The following ZPBP2 variants were observed in gnomAD, a reference collection of about 807,000 sequenced individuals.
ZPBP2 encodes zona pellucida-binding protein 2.
ZPBP2 carries 34 observed loss-of-function variants against 37.5 expected under a neutral mutation model. The observed-to-expected ratio is 0.91, with a 90% CI of 0.69 to 1.21. The LOEUF (loss-of-function observed/expected upper bound fraction) is 1.21. ZPBP2 is among the 50% of genes most tolerant of loss of function. The pLI is 0.00. For synonymous variants in ZPBP2, 143 were observed against 138.4 expected (o/e 1.03, Z -0.23); for missense variants, 397 against 413.5 (o/e 0.96, Z 0.35).
In ZPBP2 at chr17:39,871,572, C is replaced by A; in HGVS notation, c.353C>A (p.Ala118Glu). Residue 118 changes from alanine to glutamate, a missense_variant, in exon 4 of 8, where the codon GCA becomes GAA. Ala to Glu is a moderately radical substitution (Grantham distance 107). Transcript: ENST00000348931. ...TCTLSYKTVK[A>E]ETQEEKTVKK... is the part of the protein sequence containing the mutation. ...ACTCTTTCTTATAAGACTGTTAAAG[C>A]AGAAACTCAAGAAGAAAAAACAGTC... 1 of 1,598,976 alleles carries A rather than the reference C, an allele frequency of 6.3e-7. No homozygotes were observed. The highest frequency in any genetic ancestry group is 1.1e-5 in the South Asian group (1 of 87,236).
intron 3 of ZPBP2, 53 bp from the exon 4 acceptor site, chr17:39,871,411 A>T: frequency 3.0e-6 from 4 of 1,324,444 alleles, no homozygotes; most frequent in Non-Finnish European, 3.1e-6. Flanking sequence ...CAAGTGTACT[A>T]AATAATGCTT....
rs2063391805 is a variant in ZPBP2, at chr17:39,876,627, G to C, written c.890-55G>C. Reference sequence around the variant, plus strand: ...TGTTGGTATAGAATACCTCCAAGTAGTAGAGGCATAAAATATCTCTAAATT... The same window carrying C: ...TGTTGGTATAGAATACCTCCAAGTACTAGAGGCATAAAATATCTCTAAATT... On this transcript the variant is annotated intron_variant, in intron 7 of 7. Transcript: ENST00000348931. The C allele has an allele frequency of 3.1e-6, 5 of 1,592,038 alleles. No homozygotes were observed. The South Asian group carries it at 5.6e-5, about 18-fold the overall frequency.
chr17:39,875,779 T>C (rs2063387008), intron 7 of ZPBP2, among the ~76,000 whole-genome samples: 1 of 151,570 alleles, frequency 6.6e-6, no homozygotes, highest in African/African-American at 2.4e-5. Context: ...AGTTTCACCA[T>C]GTTGGCCAGG....
At chr17:39,871,863 C>T (rs1046327779) in intron 4 of ZPBP2, among the ~76,000 whole-genome samples, 4 of 152,140 alleles carry the variant, frequency 2.6e-5, no homozygotes, top group Non-Finnish European at 5.9e-5. Context: ...AGCGCATCTA[C>T]TTTATCACAA....
intron 7 of ZPBP2, among the ~76,000 whole-genome samples, chr17:39,876,366 A>G (rs2063390612): frequency 6.6e-6 from 1 of 152,206 alleles, no homozygotes; most frequent in Non-Finnish European, 1.5e-5. Flanking sequence ...AAAGCAGAGA[A>G]CTAGGAAATA....
At chr17:39,876,540 C>A in intron 7 of ZPBP2, 142 bp from the exon 8 acceptor site, 3 of 839,876 alleles carry the variant, frequency 3.6e-6, no homozygotes, top group Non-Finnish European at 5.4e-6. Context: ...CTTAAATGGG[C>A]TGAACATTAC....
chr17:39,873,079 A>G lies in ZPBP2; in HGVS notation c.661A>G (p.Asn221Asp), dbSNP rs765987688. Residue 221 changes from asparagine to aspartate, a missense_variant, in exon 6 of 8, where the codon AAT becomes GAT. By Grantham distance (23) the Asn-to-Asp change is conservative. Coordinates refer to ENST00000348931, the MANE Select transcript of ZPBP2 (RefSeq NM_199321.3). ...TGCGCCGGGGTGGAAAGGTGCTTGC[A>G]ATGGATCTGTTGACTGTGAAGATAC... ...PFAPGWKGACNGSVDCEDTTN... is the reference protein window; with the variant it reads ...PFAPGWKGACDGSVDCEDTTN... 5 of 1,612,352 alleles carry G rather than the reference A, an allele frequency of 3.1e-6. No individual in the cohort carries two copies. The African/African-American group carries it at 5.3e-5, about 17-fold the overall frequency.
intron 2 of ZPBP2, among the ~76,000 whole-genome samples, chr17:39,870,145 G>A (rs144441334): frequency 0.027 from 4,078 of 152,238 alleles, 194 homozygotes; most frequent in African/African-American, 0.094. Context: ...CCGGGTTCAA[G>A]CAAGTCTCCT....
rs1404416848 is a variant in ZPBP2 at position 39,876,849 on chromosome 17, A to G, written c.*40A>G. 3.1e-6 allele frequency: 5 copies of G among 1,609,768 alleles called. No homozygotes were observed. The South Asian group carries it at 3.3e-5, about 11-fold the overall frequency. On this transcript the variant is annotated 3_prime_UTR_variant, in exon 8 of 8. Coordinates refer to ENST00000348931, the MANE Select transcript of ZPBP2 (RefSeq NM_199321.3). ...TTACTTACTTGTGGAAGTCGGGGAC[A>G]TAAGATGATTTTCACATCCCAGAGC...
Position 39,871,546 on chromosome 17 carries a change from T to C in ZPBP2, c.327T>C (p.Cys109=). The C allele has an allele frequency of 1.2e-6, 2 of 1,609,632 alleles. No homozygotes were observed. The highest frequency in any genetic ancestry group is 1.7e-6 in the Non-Finnish European group (2 of 1,177,960). Residue 109 remains cysteine (C), a synonymous_variant, in exon 4 of 8, where the codon TGT becomes TGC. Transcript: ENST00000348931. Reference sequence around the variant, plus strand: ...AGCCTTTGTCTGGACTTTACACATGTACTCTTTCTTATAAGACTGTTAAAG... The same window carrying C: ...AGCCTTTGTCTGGACTTTACACATGCACTCTTTCTTATAAGACTGTTAAAG... ...FLEPLSGLYT[C]TLSYKTVKAE... is the part of the protein sequence containing the mutation.
rs369273539 is a variant in ZPBP2, at chr17:39,870,689, C to G, written c.119-5C>G. 4 of 1,386,806 alleles carry G rather than the reference C, an allele frequency of 2.9e-6. No homozygotes were observed. The highest frequency in any genetic ancestry group is 3.9e-6 in the Non-Finnish European group (4 of 1,033,540). 85.9% of individuals were successfully genotyped at this position (1,386,806 alleles called of 1,614,324 possible). On this transcript the variant is annotated splice_region_variant and splice_polypyrimidine_tract_variant and intron_variant, in intron 2 of 7. Transcript: ENST00000348931. ...GTAGTTATACATTATTTTATTTCAT[C>G]ACAGACAAAATATATGTAGAGTTAC...
Position 39,876,879 on chromosome 17 carries a change from T to A in ZPBP2, c.*70T>A. 1.3e-6 allele frequency: 2 copies of A among 1,581,740 alleles called. No individual in the cohort carries two copies. The highest frequency in any genetic ancestry group is 1.7e-6 in the Non-Finnish European group (2 of 1,157,920). ...ATGATTTTCACATCCCAGAGCATCA[T>A]AGATAGTTCCATTAAGTAAAATCAG... is the stretch of plus-strand genomic sequence containing the variant. On this transcript the variant is annotated 3_prime_UTR_variant, in exon 8 of 8. Transcript: ENST00000348931.
At chr17:39,870,189 C>T (rs969788649) in intron 2 of ZPBP2, among the ~76,000 whole-genome samples, 13 of 151,920 alleles carry the variant, frequency 8.6e-5, no homozygotes, top group Admixed American at 2.0e-4. Context: ...GATTATAGGC[C>T]CACATTACCA....
At chr17:39,876,120 G>A (rs980726923) in intron 7 of ZPBP2, among the ~76,000 whole-genome samples, 5 of 151,836 alleles carry the variant, frequency 3.3e-5, no homozygotes, top group Admixed American at 1.3e-4. Flanking sequence ...GTTTCGCCCT[G>A]TTGCCCAGAC....
At chr17:39,875,222 T>C (rs746829912) in intron 6 of ZPBP2, 32 bp from the exon 7 acceptor site, 1 of 1,593,106 alleles carries the variant, frequency 6.3e-7, no homozygotes, top group East Asian at 2.2e-5. Flanking sequence ...GGTTTAGTAA[T>C]TGTACCTTTC....
At chr17:39,876,574 T>C (rs2063391551) in intron 7 of ZPBP2, 108 bp from the exon 8 acceptor site, 1 of 1,237,744 alleles carries the variant, frequency 8.1e-7, no homozygotes, top group African/African-American at 1.5e-5. Context: ...GGTACTGAAA[T>C]GGTATGATAT....
intron 7 of ZPBP2, among the ~76,000 whole-genome samples, chr17:39,875,884 T>C (rs9892108): frequency 0.042 from 1,387 of 32,940 alleles, 38 homozygotes; most frequent in African/African-American, 0.06. Flanking sequence ...GCTTGGCCCC[T>C]TTTTTTTTTT....
At position 39,868,322 on chromosome 17, in the gene ZPBP2, C is replaced by T; in HGVS notation, c.-33C>T. On this transcript the variant is annotated 5_prime_UTR_variant, in exon 1 of 8. Coordinates refer to ENST00000348931, the MANE Select transcript of ZPBP2 (RefSeq NM_199321.3). ...GGCTGAGGTAGGAGGGAGTCTGTCC[C>T]TCGACGCCTCCTGCGACGCCAGCCC... 6.2e-7 allele frequency: 1 copy of T among 1,603,508 alleles called. No homozygotes were observed. The highest frequency in any genetic ancestry group is 1.3e-5 in the African/African-American group (1 of 75,000).
chr17:39,875,362 G>C lies in ZPBP2; in HGVS notation c.817G>C (p.Val273Leu), dbSNP rs2063384522. 1 of 1,614,064 alleles carries C rather than the reference G, an allele frequency of 6.2e-7. No homozygotes were observed. Among genetic ancestry groups the C allele is most frequent in the Admixed American group, 1.7e-5 (1 of 60,006 alleles). Reference protein sequence around the residue: ...MHFVDHSLQVVRLDSCRPGFG... With the variant: ...MHFVDHSLQVLRLDSCRPGFG... ...TTTTGTGGACCACAGTTTGCAAGTA[G>C]TACGTCTGGATAGCTGTCGACCAGG... Residue 273 changes from valine to leucine, a missense_variant, in exon 7 of 8, where the codon GTA (valine) becomes CTA (leucine). Physicochemically the swap from Val to Leu is conservative, Grantham distance 32. Transcript: ENST00000348931.
Sources: allele counts gnomAD v4.1 joint callset (sites outside exome capture counted in the v4.1 genomes callset), GRCh38; gene constraint gnomAD v4.1.1; transcripts MANE v1.5; gene names NCBI Gene and HGNC (gene_info 2026-07-23, HGNC 2026-07-21).